Variants in MBD3L1 observed in about 807,000 individuals in gnomAD.
MBD3L1 encodes methyl-CpG binding domain protein 3 like 1, also known as methyl-CpG-binding domain protein 3-like 1.
For synonymous variants in MBD3L1, 84 were observed against 85.1 expected, an observed-to-expected ratio of 0.99 and a Z score of 0.07; for missense variants, 203 against 230.1, an observed-to-expected ratio of 0.88 and a Z score of 0.76.
intron 2 of MBD3L1, chr19:8,842,446 C>CA: frequency 4.1e-6 from 2 of 487,870 alleles, no homozygotes; most frequent in Middle Eastern, 1.1e-3. Context: ...AGTACTCAAA[C>CA]AAGGAGGGGG....
chr19:8,834,152 A>G (rs890107738), intron 1 of MBD3L1, among the ~76,000 whole-genome samples: 5 of 152,248 alleles, frequency 3.3e-5, no homozygotes, highest in African/African-American at 4.8e-5. Flanking sequence ...TTCAGAAAAA[A>G]ATAGTTAGAT....
At chr19:8,842,610 C>T (rs1315283507) in intron 2 of MBD3L1, 48 bp from the exon 3 acceptor site, 24 of 1,343,272 alleles carry the variant, frequency 1.8e-5, no homozygotes, top group Non-Finnish European at 2.3e-5. Context: ...CCTGAGAAGG[C>T]AGGCTTCATT....
In MBD3L1 at chr19:8,843,199, C is replaced by T. The variant is rs750306947; in HGVS notation, c.521C>T (p.Ala174Val). The T allele has an allele frequency of 1.9e-5, 31 of 1,611,856 alleles. No homozygotes were observed. The highest frequency in any genetic ancestry group is 8.8e-5 in the South Asian group (8 of 90,592). ...VRERLAIALI[A>V]DGLANEAEKV... ...GAGAGACTCGCAATAGCACTGATTGCGGATGGACTCGCTAATGAGGCAGAG... is the reference window on the plus strand; with the variant it reads ...GAGAGACTCGCAATAGCACTGATTGTGGATGGACTCGCTAATGAGGCAGAG... Residue 174 changes from alanine to valine, a missense_variant, in exon 3 of 3, where the codon GCG (alanine) becomes GTG (valine). By Grantham distance (64) the Ala-to-Val change is moderately conservative. Coordinates refer to ENST00000595891, the MANE Select transcript of MBD3L1 (RefSeq NM_001393532.1).
At chr19:8,832,801 G>A (rs1415671399) in intron 1 of MBD3L1, among the ~76,000 whole-genome samples, 3 of 152,148 alleles carry the variant, frequency 2.0e-5, no homozygotes, top group Non-Finnish European at 2.9e-5. Context: ...TTTCCGGGGC[G>A]GGGCTGAGCG....
At chr19:8,833,912 C>T (rs1007779317) in intron 1 of MBD3L1, among the ~76,000 whole-genome samples, 6 of 151,948 alleles carry the variant, frequency 3.9e-5, no homozygotes, top group African/African-American at 1.2e-4. Flanking sequence ...AGCTTGAACT[C>T]GGGAGGTGGA....
chr19:8,842,856 G>GAGA lies in MBD3L1; in HGVS notation c.181_183dup (p.Lys61dup). The GAGA allele has an allele frequency of 6.2e-7, 1 of 1,614,236 alleles. No homozygotes were observed. The highest frequency in any genetic ancestry group is 2.2e-5 in the East Asian group (1 of 44,890). The stretch of plus-strand genomic sequence containing the variant: ...ATACCATCAATGGGAGGAGAGCTTG[G>GAGA]AGAAGCCTCAGCAGGTCTGCTGGCA... On this transcript the variant is annotated inframe_insertion, in exon 3 of 3. Coordinates refer to ENST00000595891, the MANE Select transcript of MBD3L1 (RefSeq NM_001393532.1).
rs555090930 is a variant in MBD3L1 at position 8,835,167 on chromosome 19, T to G, written c.-107+2645T>G. Among the ~76,000 whole-genome samples, 433 of 152,080 alleles carry G rather than the reference T, an allele frequency of 2.8e-3. 2 individuals are homozygous for G. The highest frequency in any genetic ancestry group is 8.6e-3 in the African/African-American group (356 of 41,490). ...CCTGGATTCAAGCGATTCTCCTGCC[T>G]CAGCCTCCCAAGTAGCTGGGACCAC... On this transcript the variant is annotated intron_variant, in intron 1 of 2. Transcript: ENST00000595891.
intron 1 of MBD3L1, among the ~76,000 whole-genome samples, chr19:8,832,824 T>C (rs971562904): frequency 2.1e-4 from 31 of 150,606 alleles, no homozygotes; most frequent in Admixed American, 1.7e-3. Flanking sequence ...AACCAGGCTG[T>C]GGTTGTGACA....
intron 1 of MBD3L1, among the ~76,000 whole-genome samples, chr19:8,836,967 T>A (rs533043736): frequency 1.1e-4 from 16 of 152,308 alleles, no homozygotes; most frequent in Admixed American, 2.0e-4. Context: ...AGACAAAGGC[T>A]ATGAACCACA....
In MBD3L1 at chr19:8,842,940, G is replaced by A. The variant is rs762544386; in HGVS notation, c.262G>A (p.Asp88Asn). ...TGCAGGAGAACTTTCAAGCACTTTG[G>A]ATCTTGCCAATACCTTGCAAAAACT... The part of the protein sequence containing the change: ...SSAGELSSTL[D>N]LANTLQKLVP... The change falls in exon 3 of 3, where the codon GAT becomes AAT. Residue 88 changes from aspartate (D) to asparagine (N), a missense_variant. By Grantham distance (23) the Asp-to-Asn change is conservative. Coordinates refer to ENST00000595891, the MANE Select transcript of MBD3L1 (RefSeq NM_001393532.1). 1.2e-6 allele frequency: 2 copies of A among 1,614,232 alleles called. No homozygotes were observed. Among genetic ancestry groups the A allele is most frequent in the Non-Finnish European group, 1.7e-6 (2 of 1,180,036 alleles).
chr19:8,842,971 C>T lies in MBD3L1; in HGVS notation c.293C>T (p.Pro98Leu). ...DLANTLQKLV[P>L]SYTGGSLLED... ...GCCAATACCTTGCAAAAACTTGTCCCTAGTTACACAGGTGGATCTCTGCTG... is the reference window on the plus strand; with the variant it reads ...GCCAATACCTTGCAAAAACTTGTCCTTAGTTACACAGGTGGATCTCTGCTG... Residue 98 changes from proline to leucine, a missense_variant, in exon 3 of 3, where the codon CCT becomes CTT. Transcript: ENST00000595891. 1.2e-6 allele frequency: 2 copies of T among 1,614,244 alleles called. No homozygotes were observed. The highest frequency in any genetic ancestry group is 1.7e-6 in the Non-Finnish European group (2 of 1,180,044).
chr19:8,842,978 C>T lies in MBD3L1; in HGVS notation c.300C>T (p.Tyr100=). ...ANTLQKLVPS[Y]TGGSLLEDLA... is the part of the protein sequence containing the mutation. ...CCTTGCAAAAACTTGTCCCTAGTTACACAGGTGGATCTCTGCTGGAGGATC... is the reference window on the plus strand; with the variant it reads ...CCTTGCAAAAACTTGTCCCTAGTTATACAGGTGGATCTCTGCTGGAGGATC... The change falls in exon 3 of 3, where the codon TAC becomes TAT. Residue 100 remains tyrosine, a synonymous_variant. Transcript: ENST00000595891. 2 of 1,614,222 alleles carry T rather than the reference C, an allele frequency of 1.2e-6. No homozygotes were observed. The highest frequency in any genetic ancestry group is 1.7e-6 in the Non-Finnish European group (2 of 1,180,042).
At chr19:8,836,349 T>C (rs921276812) in intron 1 of MBD3L1, among the ~76,000 whole-genome samples, 1 of 151,806 alleles carries the variant, frequency 6.6e-6, no homozygotes, top group Admixed American at 6.6e-5. Flanking sequence ...TTCTTCCTCT[T>C]CCTCCTCCTC....
chr19:8,839,362 G>C (rs1365289997), intron 1 of MBD3L1, among the ~76,000 whole-genome samples: 1 of 151,356 alleles, frequency 6.6e-6, no homozygotes, highest in Non-Finnish European at 1.5e-5. Context: ...TTAATATTAT[G>C]GCTAATATTT....
At chr19:8,834,308 T>A (rs1468342920) in intron 1 of MBD3L1, among the ~76,000 whole-genome samples, 1 of 151,958 alleles carries the variant, frequency 6.6e-6, no homozygotes, top group East Asian at 1.9e-4. Flanking sequence ...TAGATGCCAA[T>A]ATACAAAAGA....
chr19:8,842,841 T>A lies in MBD3L1; in HGVS notation c.163T>A (p.Trp55Arg), dbSNP rs1248328109. Residue 55 changes from tryptophan to arginine, a missense_variant, in exon 3 of 3, where the codon TGG becomes AGG. Transcript: ENST00000595891. Reference protein sequence around the residue: ...HPGNEVRYHQWEESLEKPQQV... With the variant: ...HPGNEVRYHQREESLEKPQQV... ...TGGCAATGAGGTCAGATACCATCAA[T>A]GGGAGGAGAGCTTGGAGAAGCCTCA... 7 of 1,614,138 alleles carry A rather than the reference T, an allele frequency of 4.3e-6. No homozygotes were observed. The highest frequency in any genetic ancestry group is 4.2e-6 in the Non-Finnish European group (5 of 1,180,022).
chr19:8,839,977 T>C (rs1289555625), intron 1 of MBD3L1, among the ~76,000 whole-genome samples: 2 of 151,328 alleles, frequency 1.3e-5, no homozygotes, highest in Non-Finnish European at 2.9e-5. Context: ...AGGTCAGGAG[T>C]TCGAGGCCAC....
chr19:8,841,312 G>A lies in MBD3L1; in HGVS notation c.-22+313G>A, dbSNP rs555657828. On this transcript the variant is annotated intron_variant, in intron 2 of 2. Transcript: ENST00000595891. ...CTCCCAAAGTGCTGAGATTACAGGCGTGGAGCCACCGTGCCCGGCCTCTAA... is the reference window on the plus strand; with the variant it reads ...CTCCCAAAGTGCTGAGATTACAGGCATGGAGCCACCGTGCCCGGCCTCTAA... Among the ~76,000 whole-genome samples the A allele has an allele frequency of 3.3e-5, 5 of 151,734 alleles. 1 individual carries two copies. Among genetic ancestry groups the A allele is most frequent in the East Asian group, 3.9e-4 (2 of 5,110 alleles).
intron 1 of MBD3L1, among the ~76,000 whole-genome samples, chr19:8,838,054 C>T (rs891318661): frequency 2.0e-5 from 3 of 151,674 alleles, no homozygotes; most frequent in South Asian, 2.1e-4. Context: ...TGAGACCATC[C>T]TGGATAACAT....
Sources: gnomAD v4.1 joint callset for allele counts (sites outside exome capture counted in the v4.1 genomes callset) on GRCh38, gnomAD v4.1.1 for gene constraint, MANE v1.5 for transcripts, NCBI Gene and HGNC (gene_info 2026-07-23, HGNC 2026-07-21) for gene names.